The following SCLT1 variants were observed in gnomAD, a reference collection of about 807,000 sequenced individuals.
SCLT1 encodes sodium channel and clathrin linker 1.
Under a neutral mutation model 112.8 loss-of-function variants are expected in SCLT1, and 78 were observed. The observed-to-expected ratio is 0.69, with a 90% CI of 0.58 to 0.83. The LOEUF (loss-of-function observed/expected upper bound fraction) is 0.83. SCLT1 is among the 40% of genes least tolerant of loss of function. The probability of loss-of-function intolerance (pLI) is 0.00; values close to 1 mark genes in which losing one functional copy is unlikely to be tolerated. For synonymous variants in SCLT1, 257 were observed against 254.7 expected, an observed-to-expected ratio of 1.01 and a Z score of -0.09; for missense variants, 747 against 770.4, an observed-to-expected ratio of 0.97 and a Z score of 0.36.
chr4:129,087,755 T>TA (rs71589026), intron 1 of SCLT1, among the ~76,000 whole-genome samples: 4,778 of 104,398 alleles, frequency 0.046, 114 homozygotes, highest in Middle Eastern at 0.075. Flanking sequence ...TTGCGCAAGT[T>TA]AAAAAAAAAA....
chr4:128,974,768 T>C (rs187839867), intron 9 of SCLT1, among the ~76,000 whole-genome samples: 1 of 152,226 alleles, frequency 6.6e-6, no homozygotes, highest in Non-Finnish European at 1.5e-5. Flanking sequence ...TACATGCAAA[T>C]GTTTTAGATA....
At chr4:129,087,755 TA>T (rs71589026) in intron 1 of SCLT1, among the ~76,000 whole-genome samples, 60,615 of 104,346 alleles carry the variant, frequency 0.58, 17,125 homozygotes, top group Non-Finnish European at 0.67. Flanking sequence ...TTGCGCAAGT[TA>T]AAAAAAAAAA....
intron 18 of SCLT1, among the ~76,000 whole-genome samples, chr4:128,935,627 C>T (rs1312352722): frequency 6.6e-6 from 1 of 152,040 alleles, no homozygotes; most frequent in Non-Finnish European, 1.5e-5. Flanking sequence ...GAAAAATGCA[C>T]ACATTAAGTG....
intron 10 of SCLT1, among the ~76,000 whole-genome samples, chr4:128,967,025 C>T (rs1455815749): frequency 6.6e-6 from 1 of 152,038 alleles, no homozygotes; most frequent in African/African-American, 2.4e-5. Flanking sequence ...CCCTACCCTC[C>T]AGTAGGGCCA....
At chr4:129,066,978 A>T (rs771468950) in intron 2 of SCLT1, among the ~76,000 whole-genome samples, 1 of 152,118 alleles carries the variant, frequency 6.6e-6, no homozygotes, top group East Asian at 1.9e-4. Flanking sequence ...TGCGATATTT[A>T]ATTTCTTAAC....
At chr4:128,922,335 A>G (rs182890372) in intron 18 of SCLT1, among the ~76,000 whole-genome samples, 1 of 152,310 alleles carries the variant, frequency 6.6e-6, no homozygotes, top group East Asian at 1.9e-4. Flanking sequence ...TTTTTACTAC[A>G]AAGACGCATG....
intron 17 of SCLT1, among the ~76,000 whole-genome samples, chr4:128,940,114 C>T (rs1219794927): frequency 1.3e-5 from 2 of 151,508 alleles, no homozygotes; most frequent in African/African-American, 2.4e-5. Flanking sequence ...ATGTTAAAGA[C>T]GGATCTAGTG....
chr4:129,054,554 T>G (rs1422191747), intron 2 of SCLT1, among the ~76,000 whole-genome samples: 1 of 152,194 alleles, frequency 6.6e-6, no homozygotes, highest in African/African-American at 2.4e-5. Context: ...CTATTGATAG[T>G]TACGTATGCT....
At chr4:128,881,879 A>G (rs1238306490), downstream of SCLT1, among the ~76,000 whole-genome samples, 1 of 152,196 alleles carries the variant, frequency 6.6e-6, no homozygotes, top group Middle Eastern at 3.2e-3. Flanking sequence ...GTTCAAATTC[A>G]ACAGAGGTCA....
intron 8 of SCLT1, among the ~76,000 whole-genome samples, chr4:128,993,161 T>G (rs1233542453): frequency 1.3e-5 from 2 of 152,028 alleles, no homozygotes; most frequent in African/African-American, 4.8e-5. Context: ...CATTCATTCC[T>G]CAATACCATG....
chr4:128,900,257 T>C (rs1404125910), intron 18 of SCLT1, among the ~76,000 whole-genome samples: 4 of 152,232 alleles, frequency 2.6e-5, no homozygotes, highest in South Asian at 2.1e-4. Flanking sequence ...GGAGGCATCA[T>C]GCTACTTGAC....
chr4:129,091,560 T>G (rs1440530636), intron 1 of SCLT1, among the ~76,000 whole-genome samples: 2 of 152,020 alleles, frequency 1.3e-5, no homozygotes, highest in African/African-American at 2.4e-5. Flanking sequence ...ACACTACTCT[T>G]ACGGTGGCCA....
intron 2 of SCLT1, among the ~76,000 whole-genome samples, chr4:129,065,377 C>T (rs942887675): frequency 6.6e-6 from 1 of 151,852 alleles, no homozygotes; most frequent in Non-Finnish European, 1.5e-5. Flanking sequence ...ACTTTAAGTA[C>T]TTAGAATGTT....
At chr4:128,906,266 C>T (rs886118696) in intron 18 of SCLT1, among the ~76,000 whole-genome samples, 3 of 152,108 alleles carry the variant, frequency 2.0e-5, no homozygotes, top group African/African-American at 4.8e-5. Flanking sequence ...GGCGCGATCT[C>T]GGCTCACTGC....
intron 2 of SCLT1, among the ~76,000 whole-genome samples, chr4:129,068,613 T>A (rs1228201178): frequency 6.6e-6 from 1 of 152,220 alleles, no homozygotes; most frequent in African/African-American, 2.4e-5. Flanking sequence ...TACTTTTTGA[T>A]GGGATTATTT....
intron 2 of SCLT1, among the ~76,000 whole-genome samples, chr4:129,077,130 TGA>T (rs1751533672): frequency 6.6e-6 from 1 of 152,128 alleles, no homozygotes; most frequent in Non-Finnish European, 1.5e-5. Context: ...ATGGTTATCT[TGA>T]GGCAATTCAG....
At chr4:128,963,276 G>T (rs1398768201) in intron 11 of SCLT1, among the ~76,000 whole-genome samples, 2 of 152,034 alleles carry the variant, frequency 1.3e-5, no homozygotes, top group African/African-American at 2.4e-5. Flanking sequence ...TTTAATAGTA[G>T]TATCCATTGG....
chr4:128,992,770 T>G (rs922902412), intron 8 of SCLT1, among the ~76,000 whole-genome samples: 3 of 151,990 alleles, frequency 2.0e-5, no homozygotes, highest in African/African-American at 7.2e-5. Context: ...TGGTGCTCCC[T>G]GGTATTACCT....
At chr4:128,879,323 G>A (rs865957142), downstream of SCLT1, among the ~76,000 whole-genome samples, 1 of 152,166 alleles carries the variant, frequency 6.6e-6, no homozygotes, top group African/African-American at 2.4e-5. Context: ...TTACATGAGA[G>A]CATCTAGATG....
Sources: allele counts gnomAD v4.1 joint callset (sites outside exome capture counted in the v4.1 genomes callset), GRCh38; gene constraint gnomAD v4.1.1; transcripts MANE v1.5; gene names NCBI Gene and HGNC (gene_info 2026-07-23, HGNC 2026-07-21).